Variants in RSPRY1 observed in about 807,000 individuals in gnomAD.
RSPRY1 encodes the protein RING finger and SPRY domain-containing protein 1.
RSPRY1 carries 23 observed loss-of-function variants against 73.1 expected under a neutral mutation model. The ratio of observed to expected loss-of-function variants is 0.31; its 90% CI spans 0.23 to 0.45. RSPRY1 has a LOEUF of 0.45. Ranked by LOEUF, RSPRY1 falls within the 20% of genes least tolerant of loss-of-function variation. The pLI is 1.00. For synonymous variants in RSPRY1, 226 were observed against 251.4 expected (o/e 0.90, Z 0.95); for missense variants, 448 against 698.7 (o/e 0.64, Z 4.05).
chr16:57,186,326 G>A, upstream of RSPRY1: 1 of 221,436 alleles, frequency 4.5e-6, no homozygotes, highest in Non-Finnish European at 7.7e-6. Context: ...AAGCGGGGGT[G>A]GGCTCTGCGC....
At chr16:57,238,509 A>G (rs1180205272) in intron 14 of RSPRY1, among the ~76,000 whole-genome samples, 1 of 152,216 alleles carries the variant, frequency 6.6e-6, no homozygotes, top group African/African-American at 2.4e-5. Flanking sequence ...CCATATGACA[A>G]AGGCATTGTG....
chr16:57,209,849 T>A (rs576542007), intron 4 of RSPRY1, among the ~76,000 whole-genome samples: 2 of 150,158 alleles, frequency 1.3e-5, no homozygotes, highest in East Asian at 2.0e-4. Context: ...TAATTTTGTA[T>A]TTTTTTTTAG....
At chr16:57,211,266 TAAAAAA>T (rs531084194) in intron 4 of RSPRY1, among the ~76,000 whole-genome samples, 3 of 133,880 alleles carry the variant, frequency 2.2e-5, no homozygotes, top group Non-Finnish European at 4.8e-5. Context: ...TTGTCTCTGT[TAAAAAA>T]AAAAAAAAAA....
At chr16:57,216,286 T>A in intron 7 of RSPRY1, 113 bp downstream of exon 7, 1 of 774,102 alleles carries the variant, frequency 1.3e-6, no homozygotes, top group Non-Finnish European at 2.2e-6. Flanking sequence ...TGGGCATACA[T>A]TCTGTTTTCA....
intron 10 of RSPRY1, among the ~76,000 whole-genome samples, chr16:57,222,614 C>T (rs1481319010): frequency 1.3e-5 from 2 of 152,196 alleles, no homozygotes; most frequent in African/African-American, 2.4e-5. Flanking sequence ...ATTTCCATTT[C>T]ACAGATGAGA....
chr16:57,195,120 G>T (rs2074416426), intron 1 of RSPRY1, among the ~76,000 whole-genome samples: 1 of 151,922 alleles, frequency 6.6e-6, no homozygotes, highest in Admixed American at 6.6e-5. Flanking sequence ...TTTTAAAAAG[G>T]CAAGAATCAA....
At chr16:57,212,658 A>C (rs1411909728) in intron 4 of RSPRY1, among the ~76,000 whole-genome samples, 1 of 152,018 alleles carries the variant, frequency 6.6e-6, no homozygotes, top group African/African-American at 2.4e-5. Context: ...TCTGTCGTCC[A>C]GGCTGGAGTG....
At chr16:57,219,791 T>C (rs1485158092) in intron 8 of RSPRY1, 1 of 152,190 alleles carries the variant, frequency 6.6e-6, no homozygotes, top group Non-Finnish European at 1.5e-5. Context: ...TAGTTTGAGG[T>C]CTTAGATTTA....
intron 1 of RSPRY1, among the ~76,000 whole-genome samples, chr16:57,195,988 C>CTCCA (rs1415984932): frequency 9.4e-5 from 14 of 148,166 alleles, no homozygotes; most frequent in Admixed American, 2.0e-4. Context: ...CACCACTGGA[C>CTCCA]TCCAGCCTGG....
At chr16:57,219,269 T>C (rs1324627957) in intron 8 of RSPRY1, among the ~76,000 whole-genome samples, 2 of 152,240 alleles carry the variant, frequency 1.3e-5, no homozygotes, top group Non-Finnish European at 2.9e-5. Context: ...TAATTTGCAT[T>C]CCTACTACCA....
In RSPRY1 at chr16:57,239,536, G is replaced by GA. The variant is rs1354823958; in HGVS notation, c.*567dup. ...CTGAAAGAAGGTGCACAGACTGTAA[G>GA]AAAAAACCCAAGTTTGTGATATTTC... is the stretch of plus-strand genomic sequence containing the variant. On this transcript the variant is annotated 3_prime_UTR_variant, in exon 15 of 15. Coordinates refer to ENST00000394420, the MANE Select transcript of RSPRY1 (RefSeq NM_133368.3). The GA allele has an allele frequency of 6.6e-6, 1 of 151,110 alleles. No individual in the cohort carries two copies. The highest frequency in any genetic ancestry group is 1.5e-5 in the Non-Finnish European group (1 of 67,830). 9.4% of individuals were successfully genotyped at this position (151,110 alleles called of 1,614,324 possible).
chr16:57,206,018 A>G (rs1169524344), intron 2 of RSPRY1, among the ~76,000 whole-genome samples: 5 of 152,252 alleles, frequency 3.3e-5, no homozygotes, highest in Admixed American at 2.0e-4. Flanking sequence ...AATTAAGCAT[A>G]AAACAGAGTG....
intron 14 of RSPRY1, 116 bp downstream of exon 14, chr16:57,235,344 T>C: frequency 1.4e-6 from 1 of 704,764 alleles, no homozygotes; most frequent in South Asian, 1.8e-5. Flanking sequence ...AGAGTTTAAG[T>C]AGAACCTGGC....
rs190402424 is a variant in RSPRY1 at position 57,223,589 on chromosome 16, A to G, written c.1161+2174A>G. Among the ~76,000 whole-genome samples, 254 of 152,230 alleles carry G rather than the reference A, an allele frequency of 1.7e-3. 1 individual carries two copies. The highest frequency in any genetic ancestry group is 6.8e-3 in the Middle Eastern group (2 of 294). ...AAGGTCAGGAGTTTGACTGGCCAAC[A>G]TGGTGAAACCCCGTCTCTACTGAAT... On this transcript the variant is annotated intron_variant, in intron 10 of 14. Coordinates refer to ENST00000394420, the MANE Select transcript of RSPRY1 (RefSeq NM_133368.3).
At chr16:57,221,210 C>G in intron 9 of RSPRY1, 62 bp from the exon 10 acceptor site, 1 of 1,583,702 alleles carries the variant, frequency 6.3e-7, no homozygotes, top group East Asian at 2.2e-5. Flanking sequence ...TCCCAGTAGT[C>G]AGTTATCTTT....
chr16:57,194,486 A>G (rs2074404272), intron 1 of RSPRY1, among the ~76,000 whole-genome samples: 1 of 152,180 alleles, frequency 6.6e-6, no homozygotes, highest in Admixed American at 6.5e-5. Context: ...AAATCCGAAA[A>G]CATTTTCTAA....
chr16:57,238,924 G>T lies in RSPRY1; in HGVS notation c.1680G>T (p.Leu560Phe). 2.5e-6 allele frequency: 4 copies of T among 1,609,788 alleles called. No individual in the cohort carries two copies. Among genetic ancestry groups the T allele is most frequent in the Non-Finnish European group, 3.4e-6 (4 of 1,177,894 alleles). ...DCALQLETCP[L>F]CRKEIVSRIR... ...CCTTGCAGCTGGAGACCTGCCCATT[G>T]TGTCGTAAAGAAATAGTATCTAGAA... The change falls in exon 15 of 15, where the codon TTG becomes TTT. Residue 560 changes from leucine to phenylalanine, a missense_variant. Physicochemically the swap from Leu to Phe is conservative, Grantham distance 22. Transcript: ENST00000394420.
At chr16:57,207,950 G>A in intron 2 of RSPRY1, 108 bp from the exon 3 acceptor site, 1 of 709,094 alleles carries the variant, frequency 1.4e-6, no homozygotes, top group Non-Finnish European at 2.5e-6. Flanking sequence ...TTACATTTGT[G>A]TTCATTTCTT....
chr16:57,214,088 G>A (rs1381069587), intron 6 of RSPRY1, 142 bp downstream of exon 6: 11 of 635,958 alleles, frequency 1.7e-5, no homozygotes, highest in Non-Finnish European at 5.7e-6. Context: ...GGTGTTTCCC[G>A]AGTGCTTATT....
Sources: gnomAD v4.1 joint callset for allele counts (sites outside exome capture counted in the v4.1 genomes callset) on GRCh38, gnomAD v4.1.1 for gene constraint, MANE v1.5 for transcripts, NCBI Gene and HGNC (gene_info 2026-07-23, HGNC 2026-07-21) for gene names.